FBXO41: variants seen among roughly 807,000 people sequenced by gnomAD.
FBXO41 encodes the protein F-box protein 41.
A neutral mutation model predicts 81.6 loss-of-function variants in FBXO41; 33 were observed. The observed-to-expected ratio is 0.40, with a 90% CI of 0.31 to 0.54. The LOEUF (loss-of-function observed/expected upper bound fraction) is 0.54. Among genes scored for constraint, FBXO41 ranks in the 20% least tolerant of loss-of-function variants. The pLI is 0.39. For missense variants in FBXO41, 1,107 were observed against 1,236.0 expected (o/e 0.90, Z 1.56); for synonymous variants, 576 against 552.7 (o/e 1.04, Z -0.59).
At chr2:73,282,427 A>G (rs1256066720) in intron 1 of FBXO41, among the ~76,000 whole-genome samples, 1 of 152,192 alleles carries the variant, frequency 6.6e-6, no homozygotes, top group East Asian at 1.9e-4. Flanking sequence ...ATATTCCAAA[A>G]CAAGGCTGTG....
chr2:73,278,214 C>T (rs565330939), intron 1 of FBXO41, among the ~76,000 whole-genome samples: 23 of 152,278 alleles, frequency 1.5e-4, no homozygotes, highest in Middle Eastern at 6.8e-3. Context: ...AACAAGGTGG[C>T]AATACTCAGA....
chr2:73,269,018 G>A lies in FBXO41; in HGVS notation c.613C>T (p.Leu205Phe). 1 of 1,538,242 alleles carries A rather than the reference G, an allele frequency of 6.5e-7. No individual in the cohort carries two copies. Among genetic ancestry groups the A allele is most frequent in the Non-Finnish European group, 8.7e-7 (1 of 1,146,238 alleles). The change falls in exon 2 of 13, where the codon CTC (leucine) becomes TTC (phenylalanine). Residue 205 changes from leucine to phenylalanine, a missense_variant. Transcript: ENST00000520530. The surrounding 1 kb of genome is among the most constrained non-coding windows in gnomAD (Gnocchi z 7.0). ...AGCTTCTCCAGCGCGCGGATCTTGA[G>A]GCGCGCCAGGCCCTCTTCGTAGGCC... ...DVAYEEGLAR[L>F]KIRALEKLEV...
intron 2 of FBXO41, among the ~76,000 whole-genome samples, chr2:73,267,612 A>C (rs1469061784): frequency 6.6e-6 from 1 of 152,224 alleles, no homozygotes; most frequent in Non-Finnish European, 1.5e-5. Flanking sequence ...GGGACACATA[A>C]ATAACATCTA....
chr2:73,268,701 C>T, intron 2 of FBXO41, 25 bp downstream of exon 2: 2 of 1,497,546 alleles, frequency 1.3e-6, no homozygotes, highest in Non-Finnish European at 1.8e-6. Context: ...CACAACCACT[C>T]ACAGGGCCCC....
intron 2 of FBXO41, among the ~76,000 whole-genome samples, chr2:73,268,445 A>G (rs1688360967): frequency 6.6e-6 from 1 of 152,164 alleles, no homozygotes; most frequent in African/African-American, 2.4e-5. Flanking sequence ...GCTAGGCAAA[A>G]GAGAAGAGGA....
intron 5 of FBXO41, 22 bp from the exon 6 acceptor site, chr2:73,264,541 A>G: frequency 6.2e-7 from 1 of 1,612,272 alleles, no homozygotes; most frequent in South Asian, 1.1e-5. Flanking sequence ...CAGGGGTTCA[A>G]AAGTGAGCGT....
At chr2:73,276,053 T>C (rs1447021284) in intron 1 of FBXO41, among the ~76,000 whole-genome samples, 1 of 151,436 alleles carries the variant, frequency 6.6e-6, no homozygotes, top group Non-Finnish European at 1.5e-5. Context: ...CCCAAAGTGC[T>C]AGGATTACAG....
rs180788657 is a variant in FBXO41 at position 73,263,980 on chromosome 2, C to A, written c.1880G>T (p.Arg627Leu). ...CTCCTCCTTGCTCTCCTTCTTTCCC[C>A]GCTGCCGGGGCTTCAAGTTCTGCAG... ...LTLQNLKPRQRGKKESKEEYA... is the reference protein window; with the variant it reads ...LTLQNLKPRQLGKKESKEEYA... The change falls in exon 7 of 13, where the codon CGG becomes CTG. Residue 627 changes from arginine (R) to leucine (L), a missense_variant. Transcript: ENST00000520530. 6.2e-7 allele frequency: 1 copy of A among 1,606,270 alleles called. No individual in the cohort carries two copies. Among genetic ancestry groups the A allele is most frequent in the African/African-American group, 1.3e-5 (1 of 74,862 alleles).
chr2:73,271,627 C>CCA (rs1553384744), intron 1 of FBXO41: 1 of 146,050 alleles, frequency 6.8e-6, no homozygotes, highest in Non-Finnish European at 1.5e-5. Flanking sequence ...CTGCACTCCC[C>CCA]CCCCCCCAAC....
At chr2:73,265,244 C>T in intron 5 of FBXO41, 38 bp downstream of exon 5, 1 of 1,543,714 alleles carries the variant, frequency 6.5e-7, no homozygotes, top group Non-Finnish European at 8.7e-7. Context: ...TTCACTGCCT[C>T]AGACCTGTGT....
Position 73,260,304 on chromosome 2 carries a change from G to A in FBXO41, c.2449+85C>T. 4.0e-6 allele frequency: 6 copies of A among 1,498,374 alleles called. No homozygotes were observed. Among genetic ancestry groups the A allele is most frequent in the Non-Finnish European group, 5.4e-6 (6 of 1,108,124 alleles). The allele number at this position is 1,498,374 out of a possible 1,614,324, so 92.8% of individuals were successfully genotyped here. On this transcript the variant is annotated intron_variant, in intron 11 of 12. Transcript: ENST00000520530. This position sits in a 1 kb window ranked among gnomAD's most constrained non-coding sequence, Gnocchi z 5.0. ...CTTGGCTGGAGACTCTGATCCATCT[G>A]CCCCAGTGATAGTTAGGATACCTGC...
chr2:73,276,817 A>C (rs191175324), intron 1 of FBXO41, among the ~76,000 whole-genome samples: 16 of 150,530 alleles, frequency 1.1e-4, no homozygotes, highest in African/African-American at 3.8e-4. Flanking sequence ...GAATAGACTA[A>C]TAACTATAGA....
rs1052013375 is a variant in FBXO41 at position 73,266,923 on chromosome 2, T to C, written c.906-241A>G. The C allele has an allele frequency of 2.0e-6, 1 of 494,668 alleles. No individual in the cohort carries two copies. The highest frequency in any genetic ancestry group is 3.4e-6 in the Non-Finnish European group (1 of 292,692). 30.6% of individuals were successfully genotyped at this position (494,668 alleles called of 1,614,324 possible). A position where few individuals can be genotyped will look rare whatever the true frequency, so the allele number is the denominator to read the frequency against. ...CCACCCACCTGGCCCCAGACCCTGC[T>C]CTCCACAGAAATACTGCACACCCTG... On this transcript the variant is annotated intron_variant, in intron 2 of 12. Coordinates refer to ENST00000520530, the MANE Select transcript of FBXO41 (RefSeq NM_001371389.2). This position sits in a 1 kb window ranked among gnomAD's most constrained non-coding sequence, Gnocchi z 5.3.
intron 5 of FBXO41, 133 bp from the exon 6 acceptor site, chr2:73,264,652 G>A: frequency 7.5e-7 from 1 of 1,335,508 alleles, no homozygotes; most frequent in Non-Finnish European, 1.0e-6. Flanking sequence ...AGGGAGGAAG[G>A]AAAAGGGGCC....
chr2:73,268,981 C>T lies in FBXO41; in HGVS notation c.650G>A (p.Arg217Gln). The T allele has an allele frequency of 2.6e-6, 4 of 1,538,864 alleles. No homozygotes were observed. The highest frequency in any genetic ancestry group is 1.7e-4 in the Middle Eastern group (1 of 5,988). ...CTCCTCGCTCAGCCGCTCCAGCCGCCGGTCCACCTCCAGCTTCTCCAGCGC... is the reference window on the plus strand; with the variant it reads ...CTCCTCGCTCAGCCGCTCCAGCCGCTGGTCCACCTCCAGCTTCTCCAGCGC... ...IRALEKLEVD[R>Q]RLERLSEEVE... The change falls in exon 2 of 13, where the codon CGG becomes CAG. Residue 217 changes from arginine (R) to glutamine (Q), a missense_variant. Coordinates refer to ENST00000520530, the MANE Select transcript of FBXO41 (RefSeq NM_001371389.2).
In FBXO41 at chr2:73,265,519, G is replaced by T. The variant is rs202034915; in HGVS notation, c.1327C>A (p.Arg443=). The T allele has an allele frequency of 2.5e-6, 4 of 1,594,852 alleles. No homozygotes were observed. Among genetic ancestry groups the T allele is most frequent in the African/African-American group, 2.7e-5 (2 of 74,654 alleles). Residue 443 remains arginine (R), a synonymous_variant, in exon 5 of 13, where the codon CGG becomes AGG. Coordinates refer to ENST00000520530, the MANE Select transcript of FBXO41 (RefSeq NM_001371389.2). ...GAGCCCCCGTTGGCAGCCTGGGCCCGTGTGCCCAAGCCCCCAGGGCCACTG... is the reference window on the plus strand; with the variant it reads ...GAGCCCCCGTTGGCAGCCTGGGCCCTTGTGCCCAAGCCCCCAGGGCCACTG... ...EDSGPGGLGT[R]AQAANGGSER... is the part of the protein sequence containing the mutation.
intron 1 of FBXO41, among the ~76,000 whole-genome samples, chr2:73,281,661 AT>A (rs1688849822): frequency 6.6e-6 from 1 of 152,214 alleles, no homozygotes; most frequent in Non-Finnish European, 1.5e-5. Flanking sequence ...ATGAGAGGCT[AT>A]TTTGATGTCC....
intron 2 of FBXO41, among the ~76,000 whole-genome samples, chr2:73,267,503 C>G (rs1222948452): frequency 6.6e-6 from 1 of 152,232 alleles, no homozygotes; most frequent in Non-Finnish European, 1.5e-5. Flanking sequence ...TGCATCCATT[C>G]AACATTTATT....
At chr2:73,262,739 C>CTATTTATT (rs770741983) in intron 9 of FBXO41, among the ~76,000 whole-genome samples, 3 of 152,084 alleles carry the variant, frequency 2.0e-5, no homozygotes, top group Middle Eastern at 3.4e-3. Context: ...TTTTATTTAT[C>CTATTTATT]TATTTATTTA....
Sources: gnomAD v4.1 joint callset for allele counts (sites outside exome capture counted in the v4.1 genomes callset) on GRCh38, gnomAD v4.1.1 for gene constraint, Gnocchi (gnomAD v3.1) non-coding constraint, MANE v1.5 for transcripts, NCBI Gene and HGNC (gene_info 2026-07-23, HGNC 2026-07-21) for gene names.